The following BOLA3 variants were observed in gnomAD, a reference collection of about 807,000 sequenced individuals.
BOLA3 encodes bolA family member 3.
Under a neutral mutation model 14.5 loss-of-function variants are expected in BOLA3, and 8 were observed. The ratio of observed to expected loss-of-function variants is 0.55; its 90% confidence interval spans 0.32 to 0.99. BOLA3 has a LOEUF of 0.99. BOLA3 is among the 50% of genes least tolerant of loss of function. The pLI, the probability that BOLA3 is intolerant of heterozygous loss-of-function variation, is 0.04. For missense variants in BOLA3, 115 were observed against 138.2 expected, an observed-to-expected ratio of 0.83 and a Z score of 0.84; for synonymous variants, 42 against 45.7, an observed-to-expected ratio of 0.92 and a Z score of 0.33.
chr2:74,136,046 C>T (rs370719197), intron 3 of BOLA3, among the ~76,000 whole-genome samples: 2 of 151,376 alleles, frequency 1.3e-5, no homozygotes, highest in South Asian at 2.1e-4. Flanking sequence ...ACCTCCTGGG[C>T]TCAAACAATC....
chr2:74,139,166 C>A (rs1164005779), intron 3 of BOLA3, among the ~76,000 whole-genome samples: 3 of 152,154 alleles, frequency 2.0e-5, no homozygotes, highest in Non-Finnish European at 2.9e-5. Context: ...TCCAGGGAAT[C>A]CCGCAGGGAC....
intron 3 of BOLA3, 34 bp downstream of exon 3, chr2:74,142,238 G>T: frequency 1.3e-6 from 2 of 1,516,010 alleles, no homozygotes; most frequent in Non-Finnish European, 1.8e-6. Flanking sequence ...GAGGCTGAAG[G>T]CCAGTGGCAA....
Position 74,146,284 on chromosome 2 carries a change from C to A in BOLA3, c.55-981G>T, listed in dbSNP as rs554047004. ...CTAGGATTACAGGCATGAGCCACCA[C>A]GCCCGGCCAGGGGAGCCCATGTTTC... On this transcript the variant is annotated intron_variant, in intron 1 of 3. Coordinates refer to ENST00000327428, the MANE Select transcript of BOLA3 (RefSeq NM_212552.3). 5 of 152,294 alleles carry A rather than the reference C, an allele frequency of 3.3e-5. No homozygotes were observed. In the East Asian group the frequency reaches 9.6e-4, roughly 29 times the overall value. 9.4% of individuals were successfully genotyped at this position (152,294 alleles called of 1,614,324 possible).
At chr2:74,145,038 G>A in intron 2 of BOLA3, 151 bp downstream of exon 2, 1 of 673,062 alleles carries the variant, frequency 1.5e-6, no homozygotes, top group Non-Finnish European at 2.8e-6. Context: ...CCCATGAGGT[G>A]GGGGCAGCCG....
chr2:74,141,347 C>T (rs532460891), intron 3 of BOLA3, among the ~76,000 whole-genome samples: 8 of 143,250 alleles, frequency 5.6e-5, no homozygotes, highest in East Asian at 4.4e-4. Flanking sequence ...GGACACAAGA[C>T]GGAAAACACC....
At position 74,140,970 on chromosome 2, in the gene BOLA3, G is replaced by A. The variant is rs181722228; in HGVS notation, c.258+1302C>T. On this transcript the variant is annotated intron_variant, in intron 3 of 3. Coordinates refer to ENST00000327428, the MANE Select transcript of BOLA3 (RefSeq NM_212552.3). ...TGCTTCCTTAACCACTTGTAACTGT[G>A]GTTTCAGGCCAAGGGACACACTCAA... Among the ~76,000 whole-genome samples the A allele has an allele frequency of 1.6e-4, 25 of 152,334 alleles. No homozygotes were observed. The East Asian group carries it at 4.8e-3, about 29-fold the overall frequency.
chr2:74,142,749 T>C (rs1345028426), intron 2 of BOLA3, among the ~76,000 whole-genome samples: 1 of 152,184 alleles, frequency 6.6e-6, no homozygotes, highest in East Asian at 1.9e-4. Context: ...CAACAATCAG[T>C]GTTTTTGAAG....
intron 3 of BOLA3, 122 bp from the exon 4 acceptor site, chr2:74,135,780 A>G (rs1297106846): frequency 3.8e-6 from 3 of 787,778 alleles, no homozygotes; most frequent in Non-Finnish European, 6.5e-6. Flanking sequence ...TGTTTAAGCA[A>G]TTTTTCCTTT....
chr2:74,139,061 G>A (rs1254064360), intron 3 of BOLA3, among the ~76,000 whole-genome samples: 1 of 152,170 alleles, frequency 6.6e-6, no homozygotes, highest in South Asian at 2.1e-4. Flanking sequence ...CCAAGAGAAG[G>A]CTGACGCACT....
At chr2:74,142,939 G>A (rs752411468) in intron 2 of BOLA3, among the ~76,000 whole-genome samples, 45 of 152,156 alleles carry the variant, frequency 3.0e-4, no homozygotes, top group Non-Finnish European at 5.4e-4. Flanking sequence ...CTGGCTTTTG[G>A]GGGGAGAACT....
intron 1 of BOLA3, 152 bp downstream of exon 1, chr2:74,147,669 G>T (rs926933132): frequency 1.4e-6 from 1 of 734,092 alleles, no homozygotes; most frequent in South Asian, 1.6e-5. Context: ...ATGAATGAAA[G>T]AATGAATGAG....
intron 3 of BOLA3, among the ~76,000 whole-genome samples, chr2:74,137,302 A>T (rs1346322606): frequency 6.6e-6 from 1 of 152,200 alleles, no homozygotes; most frequent in African/African-American, 2.4e-5. Flanking sequence ...TATGAAATTA[A>T]TTGGAGGTGG....
rs1170667111 is a variant in BOLA3 at position 74,145,404 on chromosome 2, G to T, written c.55-101C>A. On this transcript the variant is annotated intron_variant, in intron 1 of 3. Coordinates refer to ENST00000327428, the MANE Select transcript of BOLA3 (RefSeq NM_212552.3). ...GCCTGCCATTCCCCCTGCAAGGCAGGCCCCTGAGCCCTCGCCAGCACAGCC... is the reference window on the plus strand; with the variant it reads ...GCCTGCCATTCCCCCTGCAAGGCAGTCCCCTGAGCCCTCGCCAGCACAGCC... 6 of 783,332 alleles carry T rather than the reference G, an allele frequency of 7.7e-6. 1 individual carries two copies. Among genetic ancestry groups the T allele is most frequent in the South Asian group, 1.4e-5 (1 of 73,606 alleles). The allele number at this position is 783,332 out of a possible 1,614,324, so 48.5% of individuals were successfully genotyped here.
rs199745194 is a variant in BOLA3 at position 74,142,245 on chromosome 2, G to A, written c.258+27C>T. 3.0e-5 allele frequency: 47 copies of A among 1,558,494 alleles called. No individual in the cohort carries two copies. The African/African-American group carries it at 5.0e-4, about 17-fold the overall frequency. ...CCCCTTTGGAGGCTGAAGGCCAGTGGCAAGGGGCACTGTTGCCTCTACTGA... is the reference window on the plus strand; with the variant it reads ...CCCCTTTGGAGGCTGAAGGCCAGTGACAAGGGGCACTGTTGCCTCTACTGA... On this transcript the variant is annotated intron_variant, in intron 3 of 3. Coordinates refer to ENST00000327428, the MANE Select transcript of BOLA3 (RefSeq NM_212552.3).
intron 3 of BOLA3, among the ~76,000 whole-genome samples, chr2:74,136,859 T>C (rs1692341482): frequency 6.6e-6 from 1 of 152,206 alleles, no homozygotes; most frequent in South Asian, 2.1e-4. Flanking sequence ...TTATGGGACT[T>C]GTTTTAAGGC....
chr2:74,140,687 AG>A (rs1392555107), intron 3 of BOLA3, among the ~76,000 whole-genome samples: 13 of 152,244 alleles, frequency 8.5e-5, no homozygotes, highest in Non-Finnish European at 2.9e-5. Flanking sequence ...AGACTGGTGC[AG>A]GTTCCTTCCA....
intron 2 of BOLA3, among the ~76,000 whole-genome samples, chr2:74,143,642 C>CCCA (rs1692488057): frequency 6.6e-6 from 1 of 152,094 alleles, no homozygotes. Flanking sequence ...TCAGCATTGC[C>CCCA]CCAAGACTCC....
chr2:74,135,681 C>A, intron 3 of BOLA3, 23 bp from the exon 4 acceptor site: 1 of 1,539,822 alleles, frequency 6.5e-7, no homozygotes, highest in Non-Finnish European at 9.0e-7. Flanking sequence ...ACAGCATCAT[C>A]AGTTTTTGTG....
chr2:74,142,915 T>C (rs1325506455), intron 2 of BOLA3, among the ~76,000 whole-genome samples: 1 of 152,170 alleles, frequency 6.6e-6, no homozygotes, highest in Non-Finnish European at 1.5e-5. Context: ...CAGCACAGCA[T>C]CCAGGATTTC....
Sources: allele counts gnomAD v4.1 joint callset (sites outside exome capture counted in the v4.1 genomes callset), GRCh38; gene constraint gnomAD v4.1.1; transcripts MANE v1.5; gene names NCBI Gene and HGNC (gene_info 2026-07-23, HGNC 2026-07-21).